The following TBC1D4 variants were observed in gnomAD, a reference collection of about 807,000 sequenced individuals.
TBC1D4 encodes the protein TBC (Tre-2, BUB2, CDC16) domain-containing protein.
A neutral mutation model predicts 142.5 loss-of-function variants in TBC1D4; 121 were observed. The ratio of observed to expected loss-of-function variants is 0.85; its 90% CI spans 0.73 to 0.99. TBC1D4 has a LOEUF of 0.99. Ranked by LOEUF, TBC1D4 falls within the 50% of genes least tolerant of loss-of-function variation. The probability of loss-of-function intolerance (pLI) is 0.00; values close to 1 mark genes in which losing one functional copy is unlikely to be tolerated. For synonymous variants in TBC1D4, 630 were observed against 628.2 expected (o/e 1.00, Z -0.04); for missense variants, 1,475 against 1,606.6 (o/e 0.92, Z 1.40).
rs79209419 is a variant in TBC1D4 at position 75,395,187 on chromosome 13, A to G, written c.499-32580T>C. On this transcript the variant is annotated intron_variant, in intron 1 of 20. Coordinates refer to ENST00000377636, the MANE Select transcript of TBC1D4 (RefSeq NM_014832.5). ...CAAAGGTACAAGTTACCTGAAATGT[A>G]CTGGTTGGTAACTACTCAACAGTGG... 2.9e-3 allele frequency among the ~76,000 whole-genome samples: 441 copies of G among 152,346 alleles called. 13 individuals carry two copies. The East Asian group carries it at 0.066, about 23-fold the overall frequency.
At chr13:75,350,064 C>T (rs1881475238) in intron 4 of TBC1D4, among the ~76,000 whole-genome samples, 1 of 152,160 alleles carries the variant, frequency 6.6e-6, no homozygotes, top group Admixed American at 6.5e-5. Context: ...CAGCTCATCC[C>T]CATGCATTGT....
intron 1 of TBC1D4, among the ~76,000 whole-genome samples, chr13:75,423,351 A>C (rs2138129347): frequency 6.6e-6 from 1 of 152,254 alleles, no homozygotes; most frequent in Non-Finnish European, 1.5e-5. Context: ...GCAGTATGAT[A>C]ATGTGTTTTT....
intron 1 of TBC1D4, among the ~76,000 whole-genome samples, chr13:75,433,661 T>C (rs1276331737): frequency 6.6e-6 from 1 of 152,134 alleles, no homozygotes; most frequent in African/African-American, 2.4e-5. Context: ...GTTATATTGA[T>C]TCATACTATA....
intron 16 of TBC1D4, among the ~76,000 whole-genome samples, chr13:75,300,866 T>A (rs972121356): frequency 6.6e-6 from 1 of 152,166 alleles, no homozygotes; most frequent in Admixed American, 6.5e-5. Context: ...TGTCCCCACT[T>A]AGTAGAGAGG....
At chr13:75,325,452 C>T (rs1404278391) in intron 10 of TBC1D4, among the ~76,000 whole-genome samples, 2 of 151,472 alleles carry the variant, frequency 1.3e-5, no homozygotes, top group African/African-American at 4.8e-5. Flanking sequence ...TTTACTTAAC[C>T]CTATTTTCCG....
intron 1 of TBC1D4, among the ~76,000 whole-genome samples, chr13:75,454,945 A>C (rs1887667263): frequency 6.6e-6 from 1 of 152,210 alleles, no homozygotes; most frequent in Admixed American, 6.5e-5. Flanking sequence ...AAATTTAAAA[A>C]TTAAGTACTC....
chr13:75,380,634 A>T (rs1883786613), intron 1 of TBC1D4, among the ~76,000 whole-genome samples: 1 of 152,006 alleles, frequency 6.6e-6, no homozygotes, highest in South Asian at 2.1e-4. Context: ...TTATGTTCCC[A>T]CACGTTAACT....
At chr13:75,402,669 AC>A (rs1885154685) in intron 1 of TBC1D4, among the ~76,000 whole-genome samples, 1 of 147,476 alleles carries the variant, frequency 6.8e-6, no homozygotes, top group Non-Finnish European at 1.5e-5. Context: ...ACACACACAC[AC>A]ACACACACAC....
intron 1 of TBC1D4, among the ~76,000 whole-genome samples, chr13:75,416,836 G>A (rs993166565): frequency 1.3e-5 from 2 of 152,188 alleles, no homozygotes; most frequent in African/African-American, 2.4e-5. Context: ...AGGCACAAGG[G>A]CAGGGTGGGC....
At chr13:75,405,240 G>A (rs1105687) in intron 1 of TBC1D4, among the ~76,000 whole-genome samples, 23,268 of 149,446 alleles carry the variant, frequency 0.16, 2,026 homozygotes, top group African/African-American at 0.23. Flanking sequence ...TTATAGGTAC[G>A]TCTGTGTGTA....
intron 1 of TBC1D4, among the ~76,000 whole-genome samples, chr13:75,386,738 A>G (rs892309295): frequency 5.9e-5 from 9 of 152,216 alleles, no homozygotes; most frequent in Non-Finnish European, 1.3e-4. Context: ...AAATAAAAAA[A>G]ACACTCATCC....
At chr13:75,467,846 A>G in intron 1 of TBC1D4, among the ~76,000 whole-genome samples, 1 of 152,222 alleles carries the variant, frequency 6.6e-6, no homozygotes, top group East Asian at 1.9e-4. Flanking sequence ...ATACAAGAGC[A>G]GTGATTATTA....
chr13:75,315,351 AATAT>A (rs144293371), intron 12 of TBC1D4, among the ~76,000 whole-genome samples: 11 of 142,322 alleles, frequency 7.7e-5, no homozygotes, highest in South Asian at 2.3e-4. Context: ...CTGAATATTG[AATAT>A]ATATATATAT....
rs1877114227 is a variant in TBC1D4 at position 75,305,720 on chromosome 13, G to A, written c.2752+593C>T. ...ATTCTAATTTTAATATATTTAATCT[G>A]AGTCACAGAAACTGCAACTAAAAGT... is the stretch of plus-strand genomic sequence containing the variant. On this transcript the variant is annotated intron_variant, in intron 15 of 20. Coordinates refer to ENST00000377636, the MANE Select transcript of TBC1D4 (RefSeq NM_014832.5). Among the ~76,000 whole-genome samples the A allele has an allele frequency of 2.0e-5, 3 of 152,202 alleles. No homozygotes were observed. In the South Asian group the frequency reaches 6.2e-4, roughly 32 times the overall value.
At chr13:75,416,486 G>GC (rs2138100752) in intron 1 of TBC1D4, among the ~76,000 whole-genome samples, 1 of 152,252 alleles carries the variant, frequency 6.6e-6, no homozygotes, top group East Asian at 1.9e-4. Context: ...TGAGACATCA[G>GC]CCCCCTCTCA....
chr13:75,353,450 A>G (rs1881783022), intron 4 of TBC1D4, among the ~76,000 whole-genome samples: 1 of 152,170 alleles, frequency 6.6e-6, no homozygotes, highest in Non-Finnish European at 1.5e-5. Flanking sequence ...TAGAACCTCC[A>G]TGACACAACA....
At chr13:75,326,535 C>A (rs914981401) in intron 9 of TBC1D4, 112 bp from the exon 10 acceptor site, 1 of 1,155,098 alleles carries the variant, frequency 8.7e-7, no homozygotes, top group Non-Finnish European at 1.3e-6. Context: ...TGAGTCATGA[C>A]AAAACTGTTT....
At chr13:75,445,321 A>C (rs1471792544) in intron 1 of TBC1D4, among the ~76,000 whole-genome samples, 2 of 152,240 alleles carry the variant, frequency 1.3e-5, no homozygotes, top group Non-Finnish European at 2.9e-5. Context: ...GTTATTGAAT[A>C]ATTAATGTCT....
At chr13:75,399,670 T>C (rs993207678) in intron 1 of TBC1D4, among the ~76,000 whole-genome samples, 1 of 152,200 alleles carries the variant, frequency 6.6e-6, no homozygotes, top group African/African-American at 2.4e-5. Flanking sequence ...TGTAAATAAT[T>C]TGTGGCCAGA....
Sources: allele counts gnomAD v4.1 joint callset (sites outside exome capture counted in the v4.1 genomes callset), GRCh38; gene constraint gnomAD v4.1.1; transcripts MANE v1.5; gene names NCBI Gene and HGNC (gene_info 2026-07-23, HGNC 2026-07-21).